Variants in DOCK3 observed in about 807,000 individuals in gnomAD.
DOCK3 encodes the protein dedicator of cytokinesis 3, also known as dedicator of cytokinesis protein 3.
In DOCK3, 60 loss-of-function variants were observed where a neutral mutation model predicts 265.6. That is an observed-to-expected ratio of 0.23 (90% CI 0.18 to 0.28). DOCK3 has a LOEUF of 0.28. DOCK3 is among the 10% of genes least tolerant of loss of function. DOCK3 has a pLI of 1.00. For synonymous variants in DOCK3, 881 were observed against 938.0 expected, an observed-to-expected ratio of 0.94 and a Z score of 1.11; for missense variants, 1,981 against 2,594.3, an observed-to-expected ratio of 0.76 and a Z score of 5.14.
chr3:50,791,036 A>T (rs1458675406), intron 2 of DOCK3, among the ~76,000 whole-genome samples: 1 of 151,952 alleles, frequency 6.6e-6, no homozygotes. Flanking sequence ...ATAGATTGCA[A>T]AATTTTTCTC....
Position 51,354,878 on chromosome 3 carries a change from G to A in DOCK3, c.4108-4G>A. The A allele has an allele frequency of 3.7e-6, 6 of 1,613,106 alleles. No homozygotes were observed. Among genetic ancestry groups the A allele is most frequent in the Non-Finnish European group, 5.1e-6 (6 of 1,179,518 alleles). On this transcript the variant is annotated splice_region_variant and splice_polypyrimidine_tract_variant and intron_variant, in intron 40 of 52. Coordinates refer to ENST00000266037, the MANE Select transcript of DOCK3 (RefSeq NM_004947.5). ...CATAGAGTGTGCTCTTCTGTTTGTGGCAGAACAAAGAATACGTGTGCCGTG... is the reference window on the plus strand; with the variant it reads ...CATAGAGTGTGCTCTTCTGTTTGTGACAGAACAAAGAATACGTGTGCCGTG...
intron 26 of DOCK3, 80 bp from the exon 27 acceptor site, chr3:51,280,026 C>T: frequency 8.7e-7 from 1 of 1,155,252 alleles, no homozygotes; most frequent in Non-Finnish European, 1.3e-6. Context: ...ACCCTCCCTT[C>T]TCTCCTTGCC....
intron 5 of DOCK3, among the ~76,000 whole-genome samples, chr3:51,007,037 G>A (rs1056358157): frequency 6.6e-6 from 1 of 152,244 alleles, no homozygotes; most frequent in East Asian, 1.9e-4. Context: ...TGGACATTTG[G>A]GTTGGTTCCA....
chr3:50,743,287 G>A (rs1019212537), intron 1 of DOCK3, among the ~76,000 whole-genome samples: 2 of 152,196 alleles, frequency 1.3e-5, no homozygotes, highest in East Asian at 1.9e-4. Context: ...TGCATCAACT[G>A]ACGAGCAAAA....
At chr3:50,802,897 T>C (rs910181540) in intron 2 of DOCK3, among the ~76,000 whole-genome samples, 1 of 152,008 alleles carries the variant, frequency 6.6e-6, no homozygotes, top group African/African-American at 2.4e-5. Context: ...TCTCTTCTCC[T>C]TCTGGAACAT....
chr3:51,293,537 C>G (rs1576681917), intron 27 of DOCK3, among the ~76,000 whole-genome samples: 2 of 152,026 alleles, frequency 1.3e-5, no homozygotes, highest in African/African-American at 4.8e-5. Flanking sequence ...AGGGGAAAAC[C>G]TATGATGTTG....
At chr3:51,368,741 C>T (rs1014818124) in intron 49 of DOCK3, among the ~76,000 whole-genome samples, 11 of 152,222 alleles carry the variant, frequency 7.2e-5, no homozygotes, top group African/African-American at 9.6e-5. Context: ...GATCTGAGAA[C>T]GGACAGACTG....
At chr3:50,816,301 GT>G (rs1346007937) in intron 2 of DOCK3, among the ~76,000 whole-genome samples, 1 of 133,246 alleles carries the variant, frequency 7.5e-6, no homozygotes, top group Non-Finnish European at 1.6e-5. Flanking sequence ...CTCCCTTAAT[GT>G]TTTTTTCTGT....
At chr3:50,942,721 T>C (rs1485404358) in intron 5 of DOCK3, among the ~76,000 whole-genome samples, 1 of 150,446 alleles carries the variant, frequency 6.6e-6, no homozygotes. Context: ...TGAATGTGAA[T>C]ATTAAAGGAG....
Position 50,692,465 on chromosome 3 carries a change from C to G in DOCK3, c.37+17165C>G, listed in dbSNP as rs150011926. ...ATAGGGTTCATACTCCTATGAGAAT[C>G]TAATGCCACTGCTGATCTGACTGGA... On this transcript the variant is annotated intron_variant, in intron 1 of 52. Transcript: ENST00000266037. Among the ~76,000 whole-genome samples, 14 of 152,290 alleles carry G rather than the reference C, an allele frequency of 9.2e-5. 1 individual carries two copies. The East Asian group carries it at 2.3e-3, about 25-fold the overall frequency.
intron 15 of DOCK3, among the ~76,000 whole-genome samples, chr3:51,226,419 G>A (rs1312506495): frequency 1.3e-5 from 2 of 152,194 alleles, no homozygotes; most frequent in African/African-American, 4.8e-5. Context: ...TACGAACCTT[G>A]CTTCTGTGTG....
At chr3:50,680,585 C>T (rs1171901168) in intron 1 of DOCK3, among the ~76,000 whole-genome samples, 8 of 140,058 alleles carry the variant, frequency 5.7e-5, no homozygotes, top group African/African-American at 1.9e-4. Flanking sequence ...ATGGCATGAT[C>T]GTAGCTCATG....
chr3:50,802,120 A>G (rs1197522471), intron 2 of DOCK3, among the ~76,000 whole-genome samples: 4 of 152,128 alleles, frequency 2.6e-5, no homozygotes, highest in Admixed American at 6.5e-5. Context: ...GCAGTATATC[A>G]TAGGGTCTTT....
At chr3:51,119,166 A>G (rs1384886717) in intron 9 of DOCK3, among the ~76,000 whole-genome samples, 1 of 152,118 alleles carries the variant, frequency 6.6e-6, no homozygotes, top group African/African-American at 2.4e-5. Flanking sequence ...CTGGGTAGTG[A>G]CACAATCCCT....
chr3:50,763,852 C>A (rs1235188619), intron 1 of DOCK3, among the ~76,000 whole-genome samples: 1 of 152,066 alleles, frequency 6.6e-6, no homozygotes, highest in Non-Finnish European at 1.5e-5. Context: ...TCATCGATTT[C>A]TTTGCTCAGT....
intron 12 of DOCK3, among the ~76,000 whole-genome samples, chr3:51,174,353 C>CAGCTA (rs1370602031): frequency 6.6e-6 from 1 of 152,056 alleles, no homozygotes; most frequent in African/African-American, 2.4e-5. Context: ...CCTATAATCC[C>CAGCTA]AGCTACTTGG....
At chr3:50,771,222 A>T (rs1317650258) in intron 1 of DOCK3, among the ~76,000 whole-genome samples, 1 of 152,248 alleles carries the variant, frequency 6.6e-6, no homozygotes, top group Non-Finnish European at 1.5e-5. Context: ...AATGACCAGA[A>T]TATATAAGGA....
Position 51,275,200 on chromosome 3 carries a change from C to T in DOCK3, c.2670C>T (p.Ser890=), listed in dbSNP as rs1339356800. ...LGSIFSIVKT[S]SLEADVMEEV... is the part of the protein sequence containing the mutation. The stretch of plus-strand genomic sequence containing the variant: ...GCATCTTCTCCATCGTCAAGACCAG[C>T]TCTCTGGTAGTGGCCCCACACCCAC... Residue 890 remains serine (S), a synonymous_variant, in exon 25 of 53, where the codon AGC becomes AGT. Transcript: ENST00000266037. 1.9e-6 allele frequency: 3 copies of T among 1,613,838 alleles called. No homozygotes were observed. Among genetic ancestry groups the T allele is most frequent in the Non-Finnish European group, 2.5e-6 (3 of 1,179,898 alleles).
chr3:51,064,073 G>T (rs562689564), intron 5 of DOCK3, among the ~76,000 whole-genome samples: 34 of 152,174 alleles, frequency 2.2e-4, no homozygotes, highest in Non-Finnish European at 4.3e-4. Flanking sequence ...GTTATTGCTG[G>T]ATGGTTGAAA....
Sources: gnomAD v4.1 joint callset for allele counts (sites outside exome capture counted in the v4.1 genomes callset) on GRCh38, gnomAD v4.1.1 for gene constraint, MANE v1.5 for transcripts, NCBI Gene and HGNC (gene_info 2026-07-23, HGNC 2026-07-21) for gene names.